The following CHUK variants were observed in gnomAD, a reference collection of about 807,000 sequenced individuals.
CHUK encodes the protein inhibitor of nuclear factor kappa-B kinase subunit alpha.
A neutral mutation model predicts 104.8 loss-of-function variants in CHUK; 35 were observed. The observed-to-expected ratio is 0.33, with a 90% CI of 0.26 to 0.44. The LOEUF is 0.44. Ranked by LOEUF, CHUK falls within the 20% of genes least tolerant of loss-of-function variation. The pLI is 1.00. For missense variants in CHUK, 663 were observed against 902.7 expected (o/e 0.73, Z 3.40); for synonymous variants, 276 against 291.9 (o/e 0.95, Z 0.56).
In CHUK at chr10:100,204,500, A is replaced by G. The variant is rs775411783; in HGVS notation, c.1507+6T>C. 9 of 1,612,092 alleles carry G rather than the reference A, an allele frequency of 5.6e-6. No individual in the cohort carries two copies. The highest frequency in any genetic ancestry group is 3.3e-5 in the Admixed American group (2 of 60,000). On this transcript the variant is annotated splice_donor_region_variant and intron_variant, in intron 13 of 20. Transcript: ENST00000370397. ...CTCCTTTCAAATACATTACACAGAC[A>G]CTTACATATCCCATACGTCATCTGC...
At chr10:100,213,463 G>A (rs1845780916) in intron 9 of CHUK, among the ~76,000 whole-genome samples, 2 of 150,768 alleles carry the variant, frequency 1.3e-5, no homozygotes, top group Non-Finnish European at 2.9e-5. Flanking sequence ...TCTAGCCTGG[G>A]TGATAGAACA....
chr10:100,225,038 T>C (rs1846075088), intron 2 of CHUK, among the ~76,000 whole-genome samples: 1 of 151,966 alleles, frequency 6.6e-6, no homozygotes, highest in Admixed American at 6.6e-5. Flanking sequence ...TTTGTAGAGA[T>C]GGGGTTTTGC....
chr10:100,203,790 T>C (rs1444949526), intron 13 of CHUK, among the ~76,000 whole-genome samples: 2 of 152,156 alleles, frequency 1.3e-5, no homozygotes, highest in African/African-American at 4.8e-5. Flanking sequence ...GAAAAAAACA[T>C]AGCCTTAGAA....
chr10:100,217,252 TAAAA>T, intron 9 of CHUK, among the ~76,000 whole-genome samples: 1 of 125,274 alleles, frequency 8.0e-6, no homozygotes, highest in African/African-American at 2.8e-5. Context: ...CTTGACTTGT[TAAAA>T]AAAAAAAAAA....
At chr10:100,187,248 C>G (rs1270504425), downstream of CHUK, 1 of 152,180 alleles carries the variant, frequency 6.6e-6, no homozygotes, top group East Asian at 1.9e-4. Flanking sequence ...AGACTGTTGG[C>G]AAGGAAGTCA....
chr10:100,202,507 T>C (rs1845493507), intron 13 of CHUK, among the ~76,000 whole-genome samples: 2 of 152,150 alleles, frequency 1.3e-5, no homozygotes, highest in African/African-American at 4.8e-5. Flanking sequence ...CAATGATGGC[T>C]AGCAGACCAT....
rs1329794827 is a variant in CHUK at position 100,193,440 on chromosome 10, A to G, written c.1975-9T>C. On this transcript the variant is annotated splice_polypyrimidine_tract_variant and intron_variant, in intron 18 of 20. Transcript: ENST00000370397. The stretch of plus-strand genomic sequence containing the variant: ...CGGGCAGAACTCTGTGTCTGAAGGA[A>G]AAGAAAAAAACATCAAAAGATTACA... The G allele has an allele frequency of 1.2e-6, 2 of 1,614,076 alleles. No homozygotes were observed. Among genetic ancestry groups the G allele is most frequent in the Admixed American group, 3.3e-5 (2 of 60,012 alleles).
At chr10:100,223,469 T>A (rs922715118) in intron 2 of CHUK, among the ~76,000 whole-genome samples, 13 of 151,848 alleles carry the variant, frequency 8.6e-5, no homozygotes, top group Non-Finnish European at 1.8e-4. Context: ...TGAGACCTCA[T>A]CTCTACAAAA....
At chr10:100,229,358 T>C (rs1488643929) in intron 1 of CHUK, 70 bp downstream of exon 1, 4 of 1,141,944 alleles carry the variant, frequency 3.5e-6, no homozygotes, top group Non-Finnish European at 5.2e-6. Flanking sequence ...CTGTCAGCCC[T>C]GTGTTCCACA....
intron 1 of CHUK, among the ~76,000 whole-genome samples, chr10:100,227,733 T>C (rs776963852): frequency 6.6e-6 from 1 of 152,214 alleles, no homozygotes; most frequent in African/African-American, 2.4e-5. Context: ...ACAGTTTCAG[T>C]TGTCATTCTA....
At chr10:100,219,595 G>A (rs1845939960) in intron 5 of CHUK, among the ~76,000 whole-genome samples, 1 of 152,116 alleles carries the variant, frequency 6.6e-6, no homozygotes, top group African/African-American at 2.4e-5. Flanking sequence ...TCACAGAATT[G>A]TTATTAGGAT....
At chr10:100,193,912 G>A in intron 18 of CHUK, 72 bp downstream of exon 18, 1 of 1,398,636 alleles carries the variant, frequency 7.1e-7, no homozygotes, top group Non-Finnish European at 1.0e-6. Flanking sequence ...ACCTCATGCT[G>A]ATAAAAATCC....
At chr10:100,209,538 G>T in intron 10 of CHUK, 57 bp downstream of exon 10, 1 of 1,086,328 alleles carries the variant, frequency 9.2e-7, no homozygotes, top group Non-Finnish European at 1.4e-6. Context: ...AAATTGCAGG[G>T]CACGCAATCC....
At chr10:100,204,343 G>A in intron 13 of CHUK, among the ~76,000 whole-genome samples, 163 bp downstream of exon 13, 1 of 152,152 alleles carries the variant, frequency 6.6e-6, no homozygotes, top group East Asian at 1.9e-4. Flanking sequence ...TTTAAAAAAA[G>A]AGGTAACATT....
intron 4 of CHUK, among the ~76,000 whole-genome samples, chr10:100,221,067 C>T (rs534636068): frequency 1.3e-5 from 2 of 152,194 alleles, no homozygotes; most frequent in Admixed American, 1.3e-4. Context: ...TTTGAGGTTC[C>T]TCCAAAAGGT....
chr10:100,197,132 T>C (rs762936189), intron 16 of CHUK, among the ~76,000 whole-genome samples: 6 of 152,202 alleles, frequency 3.9e-5, no homozygotes, highest in Admixed American at 1.3e-4. Context: ...CTTTTGACAA[T>C]AGGCTACATA....
intron 5 of CHUK, among the ~76,000 whole-genome samples, chr10:100,219,646 G>C (rs74154603): frequency 0.012 from 1,798 of 152,096 alleles, 35 homozygotes; most frequent in African/African-American, 0.041. Context: ...CACAGTGCTT[G>C]GTACATGGTA....
At chr10:100,194,236 A>G (rs1290175329) in intron 17 of CHUK, 105 bp from the exon 18 acceptor site, 2 of 1,333,724 alleles carry the variant, frequency 1.5e-6, no homozygotes, top group Admixed American at 3.5e-5. Flanking sequence ...CATCAGATTT[A>G]ATGACTTATC....
intron 9 of CHUK, 105 bp from the exon 10 acceptor site, chr10:100,209,894 A>G: frequency 1.6e-6 from 1 of 631,086 alleles, no homozygotes; most frequent in Non-Finnish European, 2.8e-6. Context: ...TTATTTCTAC[A>G]TTAAACAAGG....
Sources: allele counts gnomAD v4.1 joint callset (sites outside exome capture counted in the v4.1 genomes callset), GRCh38; gene constraint gnomAD v4.1.1; transcripts MANE v1.5; gene names NCBI Gene and HGNC (gene_info 2026-07-23, HGNC 2026-07-21).